ZPLD1: variants seen among roughly 807,000 people sequenced by gnomAD.
ZPLD1 encodes zona pellucida-like domain-containing protein 1.
ZPLD1 carries 34 observed loss-of-function variants against 47.2 expected under a neutral mutation model. The ratio of observed to expected loss-of-function variants is 0.72; its 90% CI spans 0.55 to 0.96. The LOEUF (loss-of-function observed/expected upper bound fraction) is 0.96. ZPLD1 is among the 40% of genes least tolerant of loss of function. The pLI, the probability that ZPLD1 is intolerant of heterozygous loss-of-function variation, is 0.00. For synonymous variants in ZPLD1, 176 were observed against 186.2 expected, an observed-to-expected ratio of 0.95 and a Z score of 0.45; for missense variants, 512 against 505.8, an observed-to-expected ratio of 1.01 and a Z score of -0.12.
Position 102,452,816 on chromosome 3 carries a change from T to G in ZPLD1, c.107-103T>G, listed in dbSNP as rs978478931. 6.9e-6 allele frequency: 9 copies of G among 1,311,272 alleles called. No individual in the cohort carries two copies. In the African/African-American group the frequency reaches 1.2e-4, roughly 17 times the overall value. 81.2% of individuals were successfully genotyped at this position (1,311,272 alleles called of 1,614,324 possible). A position where few individuals can be genotyped will look rare whatever the true frequency, so the allele number is the denominator to read the frequency against. On this transcript the variant is annotated intron_variant, in intron 3 of 11. Coordinates refer to ENST00000466937, the MANE Select transcript of ZPLD1 (RefSeq NM_001329788.2). Reference sequence around the variant, plus strand: ...TGGTGTATCAAATATAAAAATGAGTTAAACAGACAAAGGAGATGAATAAAT... The same window carrying G: ...TGGTGTATCAAATATAAAAATGAGTGAAACAGACAAAGGAGATGAATAAAT...
At chr3:102,475,018 A>G (rs893264363) in intron 10 of ZPLD1, among the ~76,000 whole-genome samples, 2 of 151,888 alleles carry the variant, frequency 1.3e-5, no homozygotes, top group African/African-American at 4.8e-5. Context: ...CAATAATACA[A>G]AAATTGGAGG....
intron 8 of ZPLD1, among the ~76,000 whole-genome samples, chr3:102,422,329 G>A (rs957030531): frequency 3.3e-5 from 5 of 152,008 alleles, no homozygotes; most frequent in Non-Finnish European, 7.4e-5. Context: ...ATTTTGGGGT[G>A]TCATGACTTG....
intron 6 of ZPLD1, 111 bp downstream of exon 6, chr3:102,457,964 C>A: frequency 2.1e-6 from 2 of 954,572 alleles, no homozygotes; most frequent in Non-Finnish European, 3.2e-6. Context: ...CCCTGTTATG[C>A]CTTGGTAACA....
chr3:102,428,084 A>G (rs1424716341), intron 8 of ZPLD1, among the ~76,000 whole-genome samples: 1 of 152,204 alleles, frequency 6.6e-6, no homozygotes, highest in Non-Finnish European at 1.5e-5. Flanking sequence ...ACTCAACTAT[A>G]TAGTCTCAGA....
At chr3:102,415,554 T>C (rs1345315935) in intron 7 of ZPLD1, among the ~76,000 whole-genome samples, 1 of 151,882 alleles carries the variant, frequency 6.6e-6, no homozygotes, top group Non-Finnish European at 1.5e-5. Flanking sequence ...AAAAATTTCT[T>C]ATGTTTGTTT....
At chr3:102,398,163 A>C (rs1036610544) in intron 7 of ZPLD1, among the ~76,000 whole-genome samples, 1 of 152,124 alleles carries the variant, frequency 6.6e-6, no homozygotes, top group African/African-American at 2.4e-5. Flanking sequence ...GACAATTCTC[A>C]AGGAAGGGGA....
intron 8 of ZPLD1, among the ~76,000 whole-genome samples, chr3:102,466,692 A>G (rs1394000190): frequency 6.6e-6 from 1 of 152,178 alleles, no homozygotes; most frequent in Non-Finnish European, 1.5e-5. Flanking sequence ...TGTAATTAGA[A>G]GGCATTCAAA....
chr3:102,460,588 G>A (rs984407662), intron 6 of ZPLD1, among the ~76,000 whole-genome samples: 1 of 151,710 alleles, frequency 6.6e-6, no homozygotes, highest in Non-Finnish European at 1.5e-5. Context: ...TATTAAATAA[G>A]GTTATTATAA....
At chr3:102,446,485 G>T (rs1051159079) in intron 3 of ZPLD1, among the ~76,000 whole-genome samples, 3 of 152,012 alleles carry the variant, frequency 2.0e-5, no homozygotes, top group African/African-American at 7.2e-5. Flanking sequence ...CCAAATATTA[G>T]ACTCATATTT....
At chr3:102,472,566 T>C (rs935036629) in intron 10 of ZPLD1, among the ~76,000 whole-genome samples, 2 of 151,724 alleles carry the variant, frequency 1.3e-5, no homozygotes, top group African/African-American at 4.8e-5. Flanking sequence ...TTGTAGCTTG[T>C]GAAAGTTCCA....
intron 8 of ZPLD1, among the ~76,000 whole-genome samples, chr3:102,468,295 G>T (rs1232979403): frequency 6.6e-6 from 1 of 152,114 alleles, no homozygotes; most frequent in African/African-American, 2.4e-5. Flanking sequence ...GATGTATTCT[G>T]TAGTTAATCC....
intron 7 of ZPLD1, among the ~76,000 whole-genome samples, chr3:102,408,035 A>G (rs910316323): frequency 6.6e-6 from 1 of 151,840 alleles, no homozygotes; most frequent in African/African-American, 2.4e-5. Flanking sequence ...TGTCACAGAA[A>G]CTTAAAGAAA....
At chr3:102,444,429 G>A (rs1707226670) in intron 3 of ZPLD1, among the ~76,000 whole-genome samples, 1 of 151,956 alleles carries the variant, frequency 6.6e-6, no homozygotes, top group Non-Finnish European at 1.5e-5. Context: ...TCGTGTAGAT[G>A]AAATATCAAT....
intron 8 of ZPLD1, among the ~76,000 whole-genome samples, chr3:102,426,473 G>T (rs899599939): frequency 2.0e-5 from 3 of 150,498 alleles, no homozygotes; most frequent in East Asian, 2.0e-4. Context: ...AGCCAAGATT[G>T]TGCCACTGCA....
At chr3:102,476,192 G>A (rs911326897) in intron 10 of ZPLD1, among the ~76,000 whole-genome samples, 1 of 151,970 alleles carries the variant, frequency 6.6e-6, no homozygotes, top group Non-Finnish European at 1.5e-5. Flanking sequence ...TTATATTCCA[G>A]AAATAAACAG....
intron 1 of ZPLD1, among the ~76,000 whole-genome samples, chr3:102,435,637 A>ATTTTTTTTTTTTTTTTTT (rs60085952): frequency 8.5e-6 from 1 of 117,382 alleles, no homozygotes. Flanking sequence ...CATCATCTTG[A>ATTTTTTTTTTTTTTTTTT]TTTTTTTTTT....
intron 5 of ZPLD1, 116 bp downstream of exon 5, chr3:102,456,490 A>G (rs1707415535): frequency 1.1e-6 from 1 of 872,752 alleles, no homozygotes; most frequent in East Asian, 2.4e-5. Flanking sequence ...AATTCAAACA[A>G]TGTAATGGGA....
At chr3:102,452,208 C>G (rs1707348657) in intron 3 of ZPLD1, among the ~76,000 whole-genome samples, 1 of 148,262 alleles carries the variant, frequency 6.7e-6, no homozygotes, top group Admixed American at 6.7e-5. Context: ...CCCATGGAGT[C>G]ATGGAGAACC....
chr3:102,456,229 G>A lies in ZPLD1; in HGVS notation c.364G>A (p.Ala122Thr). 6.2e-7 allele frequency: 1 copy of A among 1,613,446 alleles called. No individual in the cohort carries two copies. The highest frequency in any genetic ancestry group is 1.7e-4 in the Middle Eastern group (1 of 6,058). Residue 122 changes from alanine to threonine, a missense_variant, in exon 5 of 12, where the codon GCA (alanine) becomes ACA (threonine). Ala to Thr is a moderately conservative substitution (Grantham distance 58, BLOSUM62 0). Coordinates refer to ENST00000466937, the MANE Select transcript of ZPLD1 (RefSeq NM_001329788.2). ...TIPGVSAYGN[A>T]TSVQVGNISG... ...TCCTGGAGTCAGTGCTTATGGAAAT[G>A]CAACTTCAGTGCAAGTAGGAAATAT...
Sources: gnomAD v4.1 joint callset for allele counts (sites outside exome capture counted in the v4.1 genomes callset) on GRCh38, gnomAD v4.1.1 for gene constraint, MANE v1.5 for transcripts, NCBI Gene and HGNC (gene_info 2026-07-23, HGNC 2026-07-21) for gene names.